FRMD4B: variants seen among roughly 807,000 people sequenced by gnomAD.
The protein encoded by FRMD4B is FERM domain containing 4B.
Under a neutral mutation model 141.5 loss-of-function variants are expected in FRMD4B, and 74 were observed. That is an observed-to-expected ratio of 0.52 (90% CI 0.43 to 0.63). The LOEUF is 0.63. Among genes scored for constraint, FRMD4B ranks in the 30% least tolerant of loss-of-function variants. The pLI, the probability that FRMD4B is intolerant of heterozygous loss-of-function variation, is 0.00. For missense variants in FRMD4B, 1,366 were observed against 1,253.4 expected, an observed-to-expected ratio of 1.09 and a Z score of -1.36; for synonymous variants, 506 against 467.9, an observed-to-expected ratio of 1.08 and a Z score of -1.05.
intron 1 of FRMD4B, among the ~76,000 whole-genome samples, chr3:69,314,202 A>T (rs1394846448): frequency 1.0e-5 from 1 of 98,752 alleles, no homozygotes; most frequent in African/African-American, 4.6e-5. Flanking sequence ...AAACTACTAT[A>T]TTTTTCCTGG....
In FRMD4B at chr3:69,313,615, C is replaced by T. The variant is rs1701684087; in HGVS notation, c.163-98G>A. 4 of 730,248 alleles carry T rather than the reference C, an allele frequency of 5.5e-6. No homozygotes were observed. The East Asian group carries it at 1.1e-4, about 20-fold the overall frequency. 45.2% of individuals were successfully genotyped at this position (730,248 alleles called of 1,614,324 possible). On this transcript the variant is annotated intron_variant, in intron 1 of 22. Transcript: ENST00000398540. ...TTTATTTTATATGAGATGGGCTCAG[C>T]CTAAAAATGGCTTTAGTTGAGTTAA...
intron 1 of FRMD4B, among the ~76,000 whole-genome samples, chr3:69,335,558 T>C (rs1277646731): frequency 6.6e-6 from 1 of 151,632 alleles, no homozygotes; most frequent in Non-Finnish European, 1.5e-5. Context: ...CCTTGTGATC[T>C]GCCCACCTCG....
intron 1 of FRMD4B, among the ~76,000 whole-genome samples, chr3:69,318,143 T>TA (rs1701867474): frequency 6.6e-6 from 1 of 152,094 alleles, no homozygotes; most frequent in Admixed American, 6.6e-5. Context: ...GGCTAATTTT[T>TA]ATATATTTTT....
chr3:69,498,957 T>C (rs1706449177), intron 1 of FRMD4B, among the ~76,000 whole-genome samples: 1 of 152,150 alleles, frequency 6.6e-6, no homozygotes, highest in Non-Finnish European at 1.5e-5. Context: ...AAAAACAATA[T>C]AATTTAATAT....
At chr3:69,233,696 CA>C (rs1414763983) in intron 7 of FRMD4B, among the ~76,000 whole-genome samples, 1 of 152,082 alleles carries the variant, frequency 6.6e-6, no homozygotes, top group Non-Finnish European at 1.5e-5. Flanking sequence ...AAGATCATGA[CA>C]GGGGCCTCCC....
At chr3:69,319,560 CTGGTTTCTGAG>C (rs1701928734) in intron 1 of FRMD4B, among the ~76,000 whole-genome samples, 1 of 152,150 alleles carries the variant, frequency 6.6e-6, no homozygotes, top group Non-Finnish European at 1.5e-5. Flanking sequence ...GAAGGAACCA[CTGGTTTCTGAG>C]TGTCTTCTGT....
chr3:69,538,255 A>G (rs1481972522), intron 1 of FRMD4B, among the ~76,000 whole-genome samples: 1 of 152,222 alleles, frequency 6.6e-6, no homozygotes, highest in Non-Finnish European at 1.5e-5. Flanking sequence ...ACGCTCTTGA[A>G]GTCAGTCCTA....
chr3:69,181,628 C>T lies in FRMD4B; in HGVS notation c.2122G>A (p.Asp708Asn), dbSNP rs201389931. The change falls in exon 21 of 23, where the codon GAT becomes AAT. Residue 708 changes from aspartate to asparagine, a missense_variant. Transcript: ENST00000398540. Reference sequence around the variant, plus strand: ...TTGGAGAGGGAGAAAAATGGCTTATCGCTGTCCATCTCGGAGAGCAGGTGG... The same window carrying T: ...TTGGAGAGGGAGAAAAATGGCTTATTGCTGTCCATCTCGGAGAGCAGGTGG... The part of the protein sequence containing the change: ...QSHLLSEMDS[D>N]KPFFSLSKSQ... 3.2e-5 allele frequency: 52 copies of T among 1,613,476 alleles called. No individual in the cohort carries two copies. In the African/African-American group the frequency reaches 4.4e-4, roughly 14 times the overall value.
At chr3:69,207,883 GCATCTTCCATTT>G (rs1393797966) in intron 11 of FRMD4B, among the ~76,000 whole-genome samples, 23 of 152,058 alleles carry the variant, frequency 1.5e-4, no homozygotes, top group Non-Finnish European at 2.8e-4. Context: ...TCTTCTAGCA[GCATCTTCCATTT>G]CTACACGGAA....
intron 1 of FRMD4B, among the ~76,000 whole-genome samples, chr3:69,448,875 T>C (rs1235254275): frequency 6.6e-6 from 1 of 152,246 alleles, no homozygotes; most frequent in Admixed American, 6.5e-5. Context: ...TGAATTTTTT[T>C]AGTATACATT....
intron 5 of FRMD4B, among the ~76,000 whole-genome samples, chr3:69,251,052 T>C (rs919447999): frequency 6.6e-6 from 1 of 152,220 alleles, no homozygotes; most frequent in Non-Finnish European, 1.5e-5. Context: ...ACATGAAATA[T>C]TATTACTAAA....
At chr3:69,271,518 A>G (rs1158020913) in intron 5 of FRMD4B, among the ~76,000 whole-genome samples, 1 of 152,226 alleles carries the variant, frequency 6.6e-6, no homozygotes, top group Non-Finnish European at 1.5e-5. Context: ...ATAACGAGCT[A>G]TTATTAGGAA....
At chr3:69,182,017 A>G (rs2092713465) in intron 20 of FRMD4B, among the ~76,000 whole-genome samples, 1 of 152,138 alleles carries the variant, frequency 6.6e-6, no homozygotes, top group Admixed American at 6.5e-5. Context: ...CCTGGAAAAA[A>G]AAACAAAAAC....
chr3:69,298,816 T>C (rs1701116602), intron 4 of FRMD4B, among the ~76,000 whole-genome samples: 1 of 152,076 alleles, frequency 6.6e-6, no homozygotes, highest in Non-Finnish European at 1.5e-5. Context: ...TCCCTTTTCC[T>C]CCTCCCTAAT....
chr3:69,358,053 T>C (rs1703375478), intron 1 of FRMD4B, among the ~76,000 whole-genome samples: 1 of 152,206 alleles, frequency 6.6e-6, no homozygotes, highest in Admixed American at 6.5e-5. Context: ...GAGTAATCAC[T>C]TTATTTGTCA....
intron 1 of FRMD4B, among the ~76,000 whole-genome samples, chr3:69,472,925 C>CTTTTTTTTTTTTTTTTTTTTTTT (rs796453101): frequency 5.5e-5 from 5 of 90,916 alleles, no homozygotes; most frequent in Admixed American, 1.1e-4. Flanking sequence ...GTGAGTCTTT[C>CTTTTTTTTTTTTTTTTTTTTTTT]TTTTTTTTTT....
chr3:69,221,032 G>A (rs9860365), intron 9 of FRMD4B, among the ~76,000 whole-genome samples: 10 of 151,360 alleles, frequency 6.6e-5, no homozygotes, highest in African/African-American at 1.9e-4. Context: ...GTGCAATCAC[G>A]GCTCACTGCA....
chr3:69,333,203 A>T (rs1702437694), intron 1 of FRMD4B, among the ~76,000 whole-genome samples: 1 of 152,214 alleles, frequency 6.6e-6, no homozygotes, highest in South Asian at 2.1e-4. Context: ...CATTTTAAAA[A>T]AAATTGGAGA....
At chr3:69,454,280 G>C (rs1222452583) in intron 1 of FRMD4B, among the ~76,000 whole-genome samples, 1 of 152,262 alleles carries the variant, frequency 6.6e-6, no homozygotes, top group Non-Finnish European at 1.5e-5. Flanking sequence ...GTGACAGCGT[G>C]CTGGCAGCCC....
Sources: gnomAD v4.1 joint callset for allele counts (sites outside exome capture counted in the v4.1 genomes callset) on GRCh38, gnomAD v4.1.1 for gene constraint, MANE v1.5 for transcripts, NCBI Gene and HGNC (gene_info 2026-07-23, HGNC 2026-07-21) for gene names.